ADAMTSL1: variants seen among roughly 807,000 people sequenced by gnomAD.
ADAMTSL1 encodes the protein ADAMTS like 1.
A neutral mutation model predicts 201.8 loss-of-function variants in ADAMTSL1; 126 were observed. That is an observed-to-expected ratio of 0.62 (90% confidence interval 0.54 to 0.72). The LOEUF is 0.72. Among genes scored for constraint, ADAMTSL1 ranks in the 30% least tolerant of loss-of-function variants. The probability of loss-of-function intolerance (pLI) is 0.00; values close to 1 mark genes in which losing one functional copy is unlikely to be tolerated. For synonymous variants in ADAMTSL1, 1,121 were observed against 903.4 expected (o/e 1.24, Z -4.32); for missense variants, 2,679 against 2,277.8 (o/e 1.18, Z -3.59).
intron 5 of ADAMTSL1, among the ~76,000 whole-genome samples, chr9:18,635,671 A>C (rs1418780345): frequency 6.6e-6 from 1 of 152,156 alleles, no homozygotes; most frequent in Non-Finnish European, 1.5e-5. Flanking sequence ...AAAATCGAAA[A>C]TGAAAACTTG....
chr9:18,618,940 A>G (rs1436083129), intron 4 of ADAMTSL1, among the ~76,000 whole-genome samples: 1 of 152,202 alleles, frequency 6.6e-6, no homozygotes, highest in African/African-American at 2.4e-5. Flanking sequence ...TTTGATGACA[A>G]CCAGAAACCT....
chr9:18,826,592 T>C (rs1824585971), intron 22 of ADAMTSL1, 129 bp downstream of exon 22: 1 of 1,150,190 alleles, frequency 8.7e-7, no homozygotes, highest in East Asian at 2.6e-5. Context: ...CCTTCACTTC[T>C]TCCCAATTTA....
At chr9:18,811,491 C>T (rs935741314) in intron 20 of ADAMTSL1, among the ~76,000 whole-genome samples, 1 of 152,194 alleles carries the variant, frequency 6.6e-6, no homozygotes, top group Non-Finnish European at 1.5e-5. Flanking sequence ...CACTCCTGCC[C>T]AGCAGTAATG....
chr9:18,614,082 T>C (rs1233335401), intron 4 of ADAMTSL1, among the ~76,000 whole-genome samples: 1 of 152,136 alleles, frequency 6.6e-6, no homozygotes, highest in Non-Finnish European at 1.5e-5. Flanking sequence ...AGAAAGTGTT[T>C]GTTGTGTTTG....
chr9:18,515,488 T>C (rs10963620), intron 2 of ADAMTSL1, among the ~76,000 whole-genome samples: 89,968 of 151,816 alleles, frequency 0.59, 27,056 homozygotes, highest in East Asian at 0.8. Flanking sequence ...GCATGAGCAA[T>C]CATGCCTGGC....
chr9:18,489,562 G>A (rs552237640), intron 1 of ADAMTSL1, among the ~76,000 whole-genome samples: 9 of 152,222 alleles, frequency 5.9e-5, no homozygotes, highest in African/African-American at 1.9e-4. Flanking sequence ...AAATCATTTC[G>A]TAAAAGATAG....
At position 18,681,910 on chromosome 9, in the gene ADAMTSL1, C is replaced by A; in HGVS notation, c.1440C>A (p.Pro480=). ...GAGGCTGTAGCCCAAAAACAAAGCC[C>A]CACATAAAAGAGGAATGCATCGTAC... ...HTGGCSPKTK[P]HIKEECIVPT... is the part of the protein sequence containing the mutation. The change falls in exon 12 of 29, where the codon CCC becomes CCA. Residue 480 remains proline (P), a synonymous_variant. Transcript: ENST00000380548. The A allele has an allele frequency of 3.7e-6, 6 of 1,614,068 alleles. No individual in the cohort carries two copies. Among genetic ancestry groups the A allele is most frequent in the Non-Finnish European group, 5.1e-6 (6 of 1,180,002 alleles).
intron 16 of ADAMTSL1, among the ~76,000 whole-genome samples, chr9:18,762,869 T>C (rs4977420): frequency 0.21 from 31,735 of 152,164 alleles, 3,815 homozygotes; most frequent in East Asian, 0.45. Context: ...CCATTGTGTA[T>C]GTGTACCACA....
At chr9:18,526,919 G>T (rs919334743) in intron 2 of ADAMTSL1, among the ~76,000 whole-genome samples, 2 of 152,176 alleles carry the variant, frequency 1.3e-5, no homozygotes, top group African/African-American at 4.8e-5. Context: ...GGCTTGAATT[G>T]CGAAACATGG....
At chr9:18,807,388 A>T (rs927215102) in intron 20 of ADAMTSL1, among the ~76,000 whole-genome samples, 5 of 152,198 alleles carry the variant, frequency 3.3e-5, no homozygotes, top group African/African-American at 7.2e-5. Context: ...CTCACGCCTG[A>T]AATCCCAGCA....
At chr9:18,324,792 A>C (rs1218692859) in intron 2 of ADAMTSL1, among the ~76,000 whole-genome samples, 4 of 152,182 alleles carry the variant, frequency 2.6e-5, no homozygotes, top group African/African-American at 4.8e-5. Flanking sequence ...ACTACATCAA[A>C]ATTTTAAATG....
chr9:18,354,694 G>C (rs1298588998), intron 2 of ADAMTSL1, among the ~76,000 whole-genome samples: 1 of 152,176 alleles, frequency 6.6e-6, no homozygotes, highest in South Asian at 2.1e-4. Context: ...TGGGTCAGGC[G>C]TGGTGGCTCA....
intron 2 of ADAMTSL1, among the ~76,000 whole-genome samples, chr9:18,432,075 A>G (rs1348253165): frequency 6.6e-6 from 1 of 152,226 alleles, no homozygotes; most frequent in Non-Finnish European, 1.5e-5. Flanking sequence ...AATGTGACAT[A>G]TATCTCTTTA....
chr9:18,261,012 C>CTTTTTT (rs3085417), intron 2 of ADAMTSL1, among the ~76,000 whole-genome samples: 17 of 104,230 alleles, frequency 1.6e-4, no homozygotes, highest in Non-Finnish European at 1.9e-4. Flanking sequence ...TTTCCTTTTT[C>CTTTTTT]TTTTTTTTTT....
At chr9:18,611,017 G>A (rs1288780313) in intron 4 of ADAMTSL1, among the ~76,000 whole-genome samples, 1 of 152,144 alleles carries the variant, frequency 6.6e-6, no homozygotes, top group Admixed American at 6.5e-5. Flanking sequence ...GTGACTTACT[G>A]AACAGACACA....
upstream of ADAMTSL1, among the ~76,000 whole-genome samples, chr9:18,470,083 C>G (rs1821148565): frequency 6.6e-6 from 1 of 152,182 alleles, no homozygotes; most frequent in South Asian, 2.1e-4. Flanking sequence ...CTGTCAGCGT[C>G]TCAGATGGTA....
intron 1 of ADAMTSL1, among the ~76,000 whole-genome samples, chr9:17,994,023 C>T (rs564556139): frequency 7.3e-5 from 11 of 151,546 alleles, no homozygotes; most frequent in Non-Finnish European, 1.6e-4. Context: ...TTTTTTGCCC[C>T]TCAGTAATAC....
chr9:18,808,016 G>C (rs1045846226), intron 20 of ADAMTSL1, among the ~76,000 whole-genome samples: 1 of 152,100 alleles, frequency 6.6e-6, no homozygotes, highest in Non-Finnish European at 1.5e-5. Flanking sequence ...TCTAAAGTAG[G>C]CTTATGTTGA....
At chr9:18,837,191 C>T (rs1002636045) in intron 23 of ADAMTSL1, among the ~76,000 whole-genome samples, 1 of 152,200 alleles carries the variant, frequency 6.6e-6, no homozygotes, top group African/African-American at 2.4e-5. Context: ...TTGCCTACTT[C>T]TGTCTCAAAG....
Sources: allele counts gnomAD v4.1 joint callset (sites outside exome capture counted in the v4.1 genomes callset), GRCh38; gene constraint gnomAD v4.1.1; transcripts MANE v1.5; gene names NCBI Gene and HGNC (gene_info 2026-07-23, HGNC 2026-07-21).